MGAT4C: variants seen among roughly 807,000 people sequenced by gnomAD.
The protein encoded by MGAT4C is MGAT4 family member C.
MGAT4C carries 19 observed loss-of-function variants against 40.1 expected under a neutral mutation model. The observed-to-expected ratio is 0.47, with a 90% confidence interval of 0.33 to 0.70. The LOEUF (loss-of-function observed/expected upper bound fraction) is 0.70. MGAT4C is among the 30% of genes least tolerant of loss of function. The pLI, the probability that MGAT4C is intolerant of heterozygous loss-of-function variation, is 0.02. For synonymous variants in MGAT4C, 181 were observed against 187.1 expected, an observed-to-expected ratio of 0.97 and a Z score of 0.27; for missense variants, 491 against 563.2, an observed-to-expected ratio of 0.87 and a Z score of 1.30.
chr12:86,220,095 T>G (rs932915056), intron 1 of MGAT4C, among the ~76,000 whole-genome samples: 1 of 152,068 alleles, frequency 6.6e-6, no homozygotes, highest in Admixed American at 6.5e-5. Context: ...GCCTCAAGGA[T>G]TGGCTTCACA....
chr12:86,016,960 C>G (rs1222884310), intron 2 of MGAT4C, among the ~76,000 whole-genome samples: 1 of 146,420 alleles, frequency 6.8e-6, no homozygotes, highest in Non-Finnish European at 1.5e-5. Context: ...ATTACTGATG[C>G]CTCTGAAGCC....
Position 85,962,501 on chromosome 12 carries a change from A to G in MGAT4C, c.*16788T>C, listed in dbSNP as rs1344276545. On this transcript the variant is annotated 3_prime_UTR_variant, in exon 5 of 5. Coordinates refer to ENST00000611864, the MANE Select transcript of MGAT4C (RefSeq NM_001351288.2). ...TTGTTTACTTTTTTATCCTCACAAC[A>G]ATTCAACATGATATGTATGGTTATT... The G allele has an allele frequency of 6.7e-6, 1 of 149,418 alleles. No individual in the cohort carries two copies. Among genetic ancestry groups the G allele is most frequent in the Non-Finnish European group, 1.5e-5 (1 of 67,214 alleles). 9.3% of individuals were successfully genotyped at this position (149,418 alleles called of 1,614,324 possible).
intron 1 of MGAT4C, among the ~76,000 whole-genome samples, chr12:86,055,251 C>G (rs531670984): frequency 3.1e-4 from 47 of 152,068 alleles, no homozygotes; most frequent in Admixed American, 5.9e-4. Flanking sequence ...TTACATAAAG[C>G]ACTGTGTTAG....
chr12:86,629,962 G>A (rs924294907), intron 2 of MGAT4C, among the ~76,000 whole-genome samples: 1 of 152,080 alleles, frequency 6.6e-6, no homozygotes, highest in African/African-American at 2.4e-5. Context: ...ATGAATCCAG[G>A]AGCCGGTTTT....
At chr12:86,135,320 C>T (rs1252424630) in intron 1 of MGAT4C, among the ~76,000 whole-genome samples, 1 of 152,132 alleles carries the variant, frequency 6.6e-6, no homozygotes, top group African/African-American at 2.4e-5. Flanking sequence ...GTAGGAGGAA[C>T]TAATGGACAG....
At chr12:86,192,469 C>A (rs542898879) in intron 1 of MGAT4C, among the ~76,000 whole-genome samples, 1 of 152,168 alleles carries the variant, frequency 6.6e-6, no homozygotes, top group East Asian at 1.9e-4. Context: ...ATTAAATGAA[C>A]TTTGAGACGC....
At position 86,676,509 on chromosome 12, in the gene MGAT4C, CT is replaced by C. The variant is rs1198105019; in HGVS notation, c.-229+50699del. On this transcript the variant is annotated intron_variant, in intron 2 of 7. Coordinates refer to the MGAT4C transcript ENST00000548651. ...ATAGAAACATTAGAACATAATTGTC[CT>C]TTAGCAATACATATACTTGTGGATT... Among the ~76,000 whole-genome samples the C allele has an allele frequency of 6.6e-5, 10 of 152,184 alleles. No homozygotes were observed. In the East Asian group the frequency reaches 1.7e-3, roughly 26 times the overall value.
chr12:86,229,235 A>G (rs1951217773), intron 1 of MGAT4C, among the ~76,000 whole-genome samples: 1 of 151,950 alleles, frequency 6.6e-6, no homozygotes, highest in African/African-American at 2.4e-5. Context: ...AAGTAAATTT[A>G]GAAATGCTTA....
At chr12:86,141,048 TATTTCCTTCCAC>T (rs1240958896) in intron 1 of MGAT4C, among the ~76,000 whole-genome samples, 2 of 152,182 alleles carry the variant, frequency 1.3e-5, no homozygotes, top group Non-Finnish European at 2.9e-5. Flanking sequence ...AGGTGTGCCT[TATTTCCTTCCAC>T]TGGCACCATG....
chr12:86,514,740 T>C (rs1044098474), intron 2 of MGAT4C, among the ~76,000 whole-genome samples: 12 of 152,216 alleles, frequency 7.9e-5, no homozygotes, highest in African/African-American at 2.9e-4. Flanking sequence ...TATCTTTAAC[T>C]GTTCTTTCTC....
At chr12:86,721,748 A>G (rs1387677787) in intron 2 of MGAT4C, among the ~76,000 whole-genome samples, 3 of 152,154 alleles carry the variant, frequency 2.0e-5, no homozygotes, top group Non-Finnish European at 4.4e-5. Flanking sequence ...AAGGCTTTAT[A>G]TAACGTAAGA....
At chr12:86,672,897 TA>T (rs1964296200) in intron 2 of MGAT4C, among the ~76,000 whole-genome samples, 1 of 151,682 alleles carries the variant, frequency 6.6e-6, no homozygotes, top group African/African-American at 2.4e-5. Flanking sequence ...CCTCTGAATC[TA>T]AAAGTTGAAA....
chr12:86,222,009 G>A (rs1349531070), intron 1 of MGAT4C, among the ~76,000 whole-genome samples: 2 of 152,164 alleles, frequency 1.3e-5, no homozygotes, highest in East Asian at 3.8e-4. Flanking sequence ...TTAAATAATT[G>A]TTGACTGTAG....
intron 2 of MGAT4C, among the ~76,000 whole-genome samples, chr12:86,621,958 T>C (rs1044696000): frequency 9.2e-5 from 14 of 152,166 alleles, no homozygotes; most frequent in African/African-American, 3.4e-4. Flanking sequence ...AGCCATGTGA[T>C]TATAAAGGTA....
chr12:86,695,465 C>T (rs1404744190), intron 2 of MGAT4C, among the ~76,000 whole-genome samples: 1 of 152,202 alleles, frequency 6.6e-6, no homozygotes, highest in Non-Finnish European at 1.5e-5. Context: ...GATATCTGCA[C>T]TCCAATATTT....
chr12:86,378,271 G>A (rs1194095223), intron 3 of MGAT4C, among the ~76,000 whole-genome samples: 1 of 151,908 alleles, frequency 6.6e-6, no homozygotes, highest in Non-Finnish European at 1.5e-5. Context: ...TTTTTTTTGA[G>A]GAACTACTAA....
At chr12:86,284,627 C>G (rs1053247875) in intron 4 of MGAT4C, among the ~76,000 whole-genome samples, 3 of 151,818 alleles carry the variant, frequency 2.0e-5, no homozygotes, top group African/African-American at 7.3e-5. Context: ...TGAAAAGAAA[C>G]AGTGGAATCA....
intron 1 of MGAT4C, among the ~76,000 whole-genome samples, chr12:86,245,233 T>C (rs1951974303): frequency 6.6e-6 from 1 of 152,158 alleles, no homozygotes; most frequent in Non-Finnish European, 1.5e-5. Context: ...AGACACTCCG[T>C]CCAGCCCTCG....
intron 2 of MGAT4C, among the ~76,000 whole-genome samples, chr12:86,463,111 G>A (rs1024153926): frequency 1.3e-5 from 2 of 152,016 alleles, no homozygotes; most frequent in African/African-American, 4.8e-5. Context: ...CCTACATCTG[G>A]AGCCCAGCCG....
Sources: allele counts gnomAD v4.1 joint callset (sites outside exome capture counted in the v4.1 genomes callset), GRCh38; gene constraint gnomAD v4.1.1; transcripts MANE v1.5; gene names NCBI Gene and HGNC (gene_info 2026-07-23, HGNC 2026-07-21).